Variants in CACNA2D1 observed in about 807,000 individuals in gnomAD.
CACNA2D1 encodes calcium voltage-gated channel auxiliary subunit alpha2delta 1, also known as voltage-dependent calcium channel subunit alpha-2/delta-1.
In CACNA2D1, 53 loss-of-function variants were observed where a neutral mutation model predicts 171.5. The ratio of observed to expected loss-of-function variants is 0.31; its 90% CI spans 0.25 to 0.39. The LOEUF (loss-of-function observed/expected upper bound fraction) is 0.39. CACNA2D1 is among the 10% of genes least tolerant of loss of function. The pLI is 1.00. For synonymous variants in CACNA2D1, 442 were observed against 443.1 expected (o/e 1.00, Z 0.03); for missense variants, 903 against 1,299.8 (o/e 0.69, Z 4.69).
At chr7:82,061,258 C>T (rs560311795) in intron 9 of CACNA2D1, among the ~76,000 whole-genome samples, 3 of 152,212 alleles carry the variant, frequency 2.0e-5, no homozygotes, top group South Asian at 4.1e-4. Context: ...CTCAGCCATC[C>T]AATTTGTTCT....
chr7:82,111,311 TATAC>T (rs1490965470), intron 6 of CACNA2D1, among the ~76,000 whole-genome samples: 3 of 100,350 alleles, frequency 3.0e-5, no homozygotes, highest in African/African-American at 1.2e-4. Flanking sequence ...TATATATATA[TATAC>T]GTGTATATAC....
chr7:82,264,206 T>C (rs1029965422), intron 3 of CACNA2D1, among the ~76,000 whole-genome samples: 6 of 152,218 alleles, frequency 3.9e-5, no homozygotes, highest in African/African-American at 1.4e-4. Flanking sequence ...CACTTAATGA[T>C]ACCCATGTGT....
intron 4 of CACNA2D1, among the ~76,000 whole-genome samples, chr7:82,142,742 CTTA>C (rs1792543965): frequency 6.6e-6 from 1 of 152,082 alleles, no homozygotes; most frequent in Non-Finnish European, 1.5e-5. Context: ...ATATTGCAAT[CTTA>C]TTGTCATTTT....
At chr7:82,056,728 G>T (rs1335726563) in intron 10 of CACNA2D1, among the ~76,000 whole-genome samples, 1 of 152,078 alleles carries the variant, frequency 6.6e-6, no homozygotes, top group Non-Finnish European at 1.5e-5. Flanking sequence ...TTACCCCCTT[G>T]GAGAAGGGGT....
intron 7 of CACNA2D1, among the ~76,000 whole-genome samples, chr7:82,070,008 T>C (rs1252689859): frequency 1.3e-5 from 2 of 152,284 alleles, no homozygotes; most frequent in East Asian, 1.9e-4. Context: ...GTATTAGTCA[T>C]GGCTCTGAAC....
intron 3 of CACNA2D1, among the ~76,000 whole-genome samples, chr7:82,196,821 T>G (rs979121902): frequency 6.6e-6 from 1 of 151,994 alleles, no homozygotes; most frequent in Non-Finnish European, 1.5e-5. Flanking sequence ...GGTACATTTT[T>G]TTTTTTTATA....
intron 3 of CACNA2D1, among the ~76,000 whole-genome samples, chr7:82,252,613 C>A (rs928125171): frequency 6.6e-6 from 1 of 152,092 alleles, no homozygotes; most frequent in Non-Finnish European, 1.5e-5. Flanking sequence ...AACACTTGGC[C>A]GGGCGTGGTG....
intron 5 of CACNA2D1, among the ~76,000 whole-genome samples, chr7:82,130,806 T>G (rs74961400): frequency 7.1e-6 from 1 of 141,750 alleles, no homozygotes; most frequent in African/African-American, 2.6e-5. Flanking sequence ...TTTTTTTTTT[T>G]TTTTTTTTGA....
Position 82,431,908 on chromosome 7 carries a change from C to T in CACNA2D1, c.95+11457G>A, listed in dbSNP as rs574758147. ...CAAAAATTAGCCGGGCATGGTGGCA[C>T]GCACCTGTAATCCCAGCTACTAGGG... On this transcript the variant is annotated intron_variant, in intron 1 of 38. Coordinates refer to ENST00000356860, the MANE Select transcript of CACNA2D1 (RefSeq NM_000722.4). 4.9e-3 allele frequency among the ~76,000 whole-genome samples: 742 copies of T among 151,280 alleles called. 13 individuals carry two copies. Among genetic ancestry groups the T allele is most frequent in the Non-Finnish European group, 5.2e-3 (352 of 67,790 alleles).
At chr7:82,052,951 A>G (rs951839151) in intron 10 of CACNA2D1, among the ~76,000 whole-genome samples, 1 of 152,198 alleles carries the variant, frequency 6.6e-6, no homozygotes, top group Non-Finnish European at 1.5e-5. Flanking sequence ...CACTTAGAAC[A>G]GTGTCTGCCA....
chr7:82,154,670 T>C (rs1794197432), intron 4 of CACNA2D1, among the ~76,000 whole-genome samples: 1 of 152,130 alleles, frequency 6.6e-6, no homozygotes, highest in Non-Finnish European at 1.5e-5. Context: ...TGTACTGAAA[T>C]TAAAGAGGTA....
intron 15 of CACNA2D1, among the ~76,000 whole-genome samples, chr7:82,010,346 T>A (rs1258024391): frequency 1.3e-5 from 2 of 152,006 alleles, no homozygotes; most frequent in Non-Finnish European, 2.9e-5. Context: ...ACGCTATATG[T>A]GTCCAATGAA....
chr7:82,146,309 T>A (rs1793039375), intron 4 of CACNA2D1, among the ~76,000 whole-genome samples: 1 of 138,424 alleles, frequency 7.2e-6, no homozygotes, highest in African/African-American at 2.5e-5. Flanking sequence ...CATATATATA[T>A]ACGTGTGTGT....
chr7:82,286,098 C>CT (rs1380409966), intron 3 of CACNA2D1, among the ~76,000 whole-genome samples: 3 of 152,242 alleles, frequency 2.0e-5, no homozygotes, highest in Admixed American at 2.0e-4. Flanking sequence ...ACTTTTTCTC[C>CT]TTTTTTTCCT....
chr7:82,325,722 T>C (rs1326170429), intron 3 of CACNA2D1, among the ~76,000 whole-genome samples: 1 of 152,220 alleles, frequency 6.6e-6, no homozygotes, highest in Non-Finnish European at 1.5e-5. Flanking sequence ...GAGTTAATGT[T>C]GTAAGCTTTT....
At chr7:82,132,937 C>T (rs375022796) in intron 5 of CACNA2D1, among the ~76,000 whole-genome samples, 33 of 152,258 alleles carry the variant, frequency 2.2e-4, no homozygotes, top group African/African-American at 7.7e-4. Flanking sequence ...TTTACAAATT[C>T]TCAGAAAAAT....
At chr7:82,378,485 G>A (rs1461993618) in intron 1 of CACNA2D1, among the ~76,000 whole-genome samples, 1 of 152,138 alleles carries the variant, frequency 6.6e-6, no homozygotes, top group Non-Finnish European at 1.5e-5. Flanking sequence ...AACATTATGA[G>A]TGATTATGAG....
At chr7:81,995,293 T>G (rs2130780957) in intron 19 of CACNA2D1, among the ~76,000 whole-genome samples, 1 of 152,298 alleles carries the variant, frequency 6.6e-6, no homozygotes, top group East Asian at 1.9e-4. Flanking sequence ...GAATTACATA[T>G]AACACGGAAT....
chr7:82,293,884 C>T (rs1039055368), intron 3 of CACNA2D1, among the ~76,000 whole-genome samples: 4 of 152,108 alleles, frequency 2.6e-5, no homozygotes, highest in Non-Finnish European at 5.9e-5. Context: ...GTGATTATTT[C>T]CCAATAGAAA....
Sources: gnomAD v4.1 joint callset for allele counts (sites outside exome capture counted in the v4.1 genomes callset) on GRCh38, gnomAD v4.1.1 for gene constraint, MANE v1.5 for transcripts, NCBI Gene and HGNC (gene_info 2026-07-23, HGNC 2026-07-21) for gene names.